CD99L2: variants seen among roughly 807,000 people sequenced by gnomAD.
CD99L2 encodes CD99 molecule like 2, also known as CD99 antigen-like protein 2.
CD99L2 carries 24 observed loss-of-function variants against 27.3 expected under a neutral mutation model. That is an observed-to-expected ratio of 0.88 (90% CI 0.64 to 1.24). The LOEUF is 1.24. Ranked by LOEUF, CD99L2 falls within the 50% of genes most tolerant of loss-of-function variation. The probability of loss-of-function intolerance (pLI) is 0.00; values close to 1 mark genes in which losing one functional copy is unlikely to be tolerated. For synonymous variants in CD99L2, 97 were observed against 87.9 expected (o/e 1.10, Z -0.58); for missense variants, 255 against 221.6 (o/e 1.15, Z -0.96).
Position 150,783,810 on chromosome X carries a change from C to T in CD99L2, c.497-6328G>A, listed in dbSNP as rs182120807. On this transcript the variant is annotated intron_variant, in intron 7 of 10. Transcript: ENST00000370377. The stretch of plus-strand genomic sequence containing the variant: ...CTGGGTGCTGCAAAGCAAGTTCCAC[C>T]TTTAGACCCGGAAGGAGAAGCTCAG... Among the ~76,000 whole-genome samples, 27 of 111,543 alleles carry T rather than the reference C, an allele frequency of 2.4e-4. No individual in the cohort carries two copies. The East Asian group carries it at 7.4e-3, about 31-fold the overall frequency.
intron 4 of CD99L2, among the ~76,000 whole-genome samples, chrX:150,796,835 A>C (rs1557419920): frequency 8.9e-6 from 1 of 112,638 alleles, no homozygotes; most frequent in Non-Finnish European, 1.9e-5. Context: ...AACAGAGAAG[A>C]AACAACAGAA....
intron 7 of CD99L2, among the ~76,000 whole-genome samples, chrX:150,791,460 G>C (rs782650753): frequency 1.8e-5 from 2 of 111,354 alleles, no homozygotes; most frequent in African/African-American, 3.3e-5. Flanking sequence ...CAGTCAATGA[G>C]TGAGAAAGGG....
intron 7 of CD99L2, among the ~76,000 whole-genome samples, chrX:150,777,991 G>C (rs1557419329): frequency 8.9e-6 from 1 of 112,074 alleles, no homozygotes; most frequent in Non-Finnish European, 1.9e-5. Flanking sequence ...AGGATCTGAA[G>C]TATCACAGAA....
At chrX:150,845,049 A>G (rs988441067) in intron 1 of CD99L2, among the ~76,000 whole-genome samples, 10 of 112,211 alleles carry the variant, frequency 8.9e-5, no homozygotes, top group African/African-American at 2.6e-4. Flanking sequence ...CTTTTTTAAC[A>G]AATTGTATAA....
At chrX:150,880,796 G>A (rs782114382) in intron 1 of CD99L2, among the ~76,000 whole-genome samples, 1 of 111,665 alleles carries the variant, frequency 9.0e-6, no homozygotes, top group South Asian at 3.8e-4. Flanking sequence ...TATAAAGGAC[G>A]CATCTGTGAC....
intron 4 of CD99L2, among the ~76,000 whole-genome samples, chrX:150,801,170 G>A (rs1371387246): frequency 8.9e-6 from 1 of 111,848 alleles, no homozygotes; most frequent in Non-Finnish European, 1.9e-5. Flanking sequence ...GGAGACAAGA[G>A]GAAATACTTC....
chrX:150,806,191 C>A (rs938744496), intron 4 of CD99L2, among the ~76,000 whole-genome samples: 15 of 112,446 alleles, frequency 1.3e-4, no homozygotes, highest in African/African-American at 4.9e-4. Flanking sequence ...TTATTTCTTA[C>A]AACTTCATGT....
chrX:150,778,424 G>A (rs2045441477), intron 7 of CD99L2, among the ~76,000 whole-genome samples: 1 of 104,356 alleles, frequency 9.6e-6, no homozygotes. Context: ...CAGGAGGAAT[G>A]GAGGTTCATG....
At chrX:150,769,216 G>A (rs963985419) in intron 10 of CD99L2, 115 bp from the exon 11 acceptor site, 64 of 894,452 alleles carry the variant, frequency 7.2e-5, no homozygotes, top group Admixed American at 8.1e-5. Context: ...TATCCCCTGG[G>A]GGGCCGCTTA....
At chrX:150,805,188 AAAACAAAC>A (rs1209592226) in intron 4 of CD99L2, among the ~76,000 whole-genome samples, 43 of 111,471 alleles carry the variant, frequency 3.9e-4, no homozygotes, top group Middle Eastern at 4.6e-3. Flanking sequence ...ACTCCGACTC[AAAACAAAC>A]AAACAAACAA....
intron 7 of CD99L2, among the ~76,000 whole-genome samples, chrX:150,789,621 C>T (rs1294173327): frequency 9.0e-6 from 1 of 111,718 alleles, no homozygotes; most frequent in Non-Finnish European, 1.9e-5. Flanking sequence ...CGCAACGGCT[C>T]CCACGTGTAT....
rs782396401 is a variant in CD99L2 at position 150,769,221 on chromosome X, C to T, written c.722-120G>A. ...TTTCCCTTTGTATCCCCTGGGGGGCCGCTTAGCAACCTTCCCTCCTGAGCC... is the reference window on the plus strand; with the variant it reads ...TTTCCCTTTGTATCCCCTGGGGGGCTGCTTAGCAACCTTCCCTCCTGAGCC... On this transcript the variant is annotated intron_variant, in intron 10 of 10. Coordinates refer to ENST00000370377, the MANE Select transcript of CD99L2 (RefSeq NM_031462.4). 1.6e-3 allele frequency: 1,339 copies of T among 833,411 alleles called. 1 individual carries two copies. Among genetic ancestry groups the T allele is most frequent in the Non-Finnish European group, 1.6e-3 (997 of 611,382 alleles). The allele number at this position is 833,411 out of a possible 1,213,427, so 68.7% of individuals were successfully genotyped here.
chrX:150,821,219 TA>T (rs1298666222), intron 2 of CD99L2, among the ~76,000 whole-genome samples: 1 of 111,709 alleles, frequency 9.0e-6, no homozygotes, highest in South Asian at 3.7e-4. Flanking sequence ...AATCGATCTT[TA>T]AAAAAAGAGC....
chrX:150,802,862 G>A (rs1354720940), intron 4 of CD99L2, among the ~76,000 whole-genome samples: 1 of 80,098 alleles, frequency 1.2e-5, no homozygotes, highest in South Asian at 6.7e-4. Flanking sequence ...ATTACAGGCG[G>A]GAGCCACCGT....
At chrX:150,794,134 T>C (rs1209750513) in intron 6 of CD99L2, among the ~76,000 whole-genome samples, 7 of 111,907 alleles carry the variant, frequency 6.3e-5, no homozygotes, top group Admixed American at 9.5e-5. Context: ...AAAAGCAGGT[T>C]CAGGCCTTCT....
At position 150,850,914 on chromosome X, in the gene CD99L2, C is replaced by T. The variant is rs145853413; in HGVS notation, c.68-19621G>A. Among the ~76,000 whole-genome samples the T allele has an allele frequency of 1.1e-3, 118 of 111,325 alleles. 1 individual carries two copies. The highest frequency in any genetic ancestry group is 3.7e-3 in the African/African-American group (113 of 30,582). On this transcript the variant is annotated intron_variant, in intron 1 of 10. Coordinates refer to ENST00000370377, the MANE Select transcript of CD99L2 (RefSeq NM_031462.4). ...GTGCAGTGGCACGATCTCAGCTCAC[C>T]GCAACCTCTGCCTCCCGGGTTCAAG...
chrX:150,848,979 G>A (rs954817017), intron 1 of CD99L2, among the ~76,000 whole-genome samples: 1 of 111,250 alleles, frequency 9.0e-6, no homozygotes, highest in Non-Finnish European at 1.9e-5. Flanking sequence ...CCCGCACCAG[G>A]AGATCCTGTC....
chrX:150,874,423 C>T lies in CD99L2; in HGVS notation c.67+24099G>A, dbSNP rs782248679. Among the ~76,000 whole-genome samples the T allele has an allele frequency of 7.2e-5, 8 of 110,928 alleles. No individual in the cohort carries two copies. In the East Asian group the frequency reaches 2.3e-3, roughly 32 times the overall value. On this transcript the variant is annotated intron_variant, in intron 1 of 10. Transcript: ENST00000370377. ...GAACAGAGTGTGTGGCAAGGAACAGCCACAGGAAAAGAGGAAGGCAGGTGA... is the reference window on the plus strand; with the variant it reads ...GAACAGAGTGTGTGGCAAGGAACAGTCACAGGAAAAGAGGAAGGCAGGTGA...
At chrX:150,837,883 G>A (rs897844869) in intron 1 of CD99L2, among the ~76,000 whole-genome samples, 14 of 112,057 alleles carry the variant, frequency 1.2e-4, no homozygotes, top group African/African-American at 1.9e-4. Flanking sequence ...CACTCCCTAC[G>A]TATTAGCCAC....
Sources: gnomAD v4.1 joint callset for allele counts (sites outside exome capture counted in the v4.1 genomes callset) on GRCh38, gnomAD v4.1.1 for gene constraint, MANE v1.5 for transcripts, NCBI Gene and HGNC (gene_info 2026-07-23, HGNC 2026-07-21) for gene names.